Variants in TTC39B observed in about 807,000 individuals in gnomAD.
TTC39B encodes tetratricopeptide repeat protein 39B.
In TTC39B, 92 loss-of-function variants were observed where a neutral mutation model predicts 96.6. The observed-to-expected ratio is 0.95, with a 90% confidence interval of 0.80 to 1.13. The LOEUF (loss-of-function observed/expected upper bound fraction) is 1.13, where lower values mean the gene tolerates loss of function less well. Among genes scored for constraint, TTC39B ranks in the 50% most tolerant of loss-of-function variants. The pLI, the probability that TTC39B is intolerant of heterozygous loss-of-function variation, is 0.00. For missense variants in TTC39B, 955 were observed against 809.3 expected, an observed-to-expected ratio of 1.18 and a Z score of -2.18; for synonymous variants, 367 against 299.4, an observed-to-expected ratio of 1.23 and a Z score of -2.33.
At chr9:15,301,119 C>T (rs1426596495) in intron 1 of TTC39B, among the ~76,000 whole-genome samples, 1 of 152,148 alleles carries the variant, frequency 6.6e-6, no homozygotes, top group Non-Finnish European at 1.5e-5. Context: ...CACAATCCCA[C>T]TTGCCCTTTG....
chr9:15,306,936 G>T lies in TTC39B; in HGVS notation c.240+148C>A. ...CAGCGGGGACAGACCTACCAAGGCCGGGCGCCCCCACCCGGCGCCCGCCAG... is the reference window on the plus strand; with the variant it reads ...CAGCGGGGACAGACCTACCAAGGCCTGGCGCCCCCACCCGGCGCCCGCCAG... On this transcript the variant is annotated intron_variant, in intron 1 of 19. Coordinates refer to ENST00000512701, the Ensembl canonical transcript of TTC39B. The surrounding 1 kb of genome is among the most constrained non-coding windows in gnomAD (Gnocchi z 5.1). 1 of 1,129,978 alleles carries T rather than the reference G, an allele frequency of 8.8e-7. No homozygotes were observed. Among genetic ancestry groups the T allele is most frequent in the Non-Finnish European group, 1.2e-6 (1 of 810,928 alleles). 70.0% of individuals were successfully genotyped at this position (1,129,978 alleles called of 1,614,324 possible).
intron 2 of TTC39B, among the ~76,000 whole-genome samples, chr9:15,259,815 G>A (rs1822881368): frequency 6.6e-6 from 1 of 152,124 alleles, no homozygotes. Context: ...TCTATGACAT[G>A]TGTAGACACA....
At chr9:15,234,468 G>A (rs1246095043) in intron 2 of TTC39B, among the ~76,000 whole-genome samples, 8 of 149,406 alleles carry the variant, frequency 5.4e-5, no homozygotes, top group African/African-American at 9.8e-5. Context: ...GCCTCTGCCC[G>A]GCCGCCCCTG....
intron 1 of TTC39B, among the ~76,000 whole-genome samples, chr9:15,269,624 C>T (rs373460380): frequency 3.9e-5 from 6 of 152,116 alleles, no homozygotes; most frequent in African/African-American, 1.2e-4. Flanking sequence ...GAGGCCGAGG[C>T]GGGTGGATCA....
intron 2 of TTC39B, among the ~76,000 whole-genome samples, chr9:15,263,627 G>T (rs78248205): frequency 6.6e-6 from 1 of 152,120 alleles, no homozygotes; most frequent in African/African-American, 2.4e-5. Flanking sequence ...CTCTCAGAAC[G>T]CTGTAAGGCA....
intron 3 of TTC39B, among the ~76,000 whole-genome samples, chr9:15,216,084 G>A (rs912681284): frequency 2.0e-5 from 3 of 152,110 alleles, no homozygotes; most frequent in African/African-American, 7.2e-5. Flanking sequence ...TTGTTATTCA[G>A]ATCTAATCTA....
chr9:15,257,010 T>A (rs1364457996), intron 2 of TTC39B, among the ~76,000 whole-genome samples: 1 of 152,170 alleles, frequency 6.6e-6, no homozygotes, highest in Admixed American at 6.5e-5. Flanking sequence ...CACACAAACA[T>A]ACTGTTAAAA....
intron 18 of TTC39B, among the ~76,000 whole-genome samples, chr9:15,176,516 A>T (rs1387553308): frequency 2.6e-5 from 4 of 152,190 alleles, no homozygotes; most frequent in Non-Finnish European, 4.4e-5. Context: ...GTGGCCACGG[A>T]TGGAAAGGCA....
intron 1 of TTC39B, among the ~76,000 whole-genome samples, chr9:15,285,224 A>C (rs1009815681): frequency 2.6e-5 from 4 of 151,042 alleles, no homozygotes; most frequent in Admixed American, 6.6e-5. Context: ...AGCCGAGATC[A>C]CGCCACTGCA....
chr9:15,263,400 T>C (rs1823013186), intron 2 of TTC39B, among the ~76,000 whole-genome samples: 3 of 152,144 alleles, frequency 2.0e-5, no homozygotes, highest in Non-Finnish European at 2.9e-5. Context: ...AGCCAGTAAA[T>C]GGCAAACTGG....
intron 1 of TTC39B, among the ~76,000 whole-genome samples, chr9:15,272,606 C>A (rs1217771596): frequency 6.6e-6 from 1 of 152,166 alleles, no homozygotes; most frequent in Non-Finnish European, 1.5e-5. Context: ...TTTCATTGAA[C>A]CACACCTGGC....
chr9:15,198,875 TA>T (rs2131297873), intron 8 of TTC39B, among the ~76,000 whole-genome samples: 1 of 152,260 alleles, frequency 6.6e-6, no homozygotes, highest in East Asian at 1.9e-4. Flanking sequence ...AGACTAATTA[TA>T]AAAAGCATGA....
Position 15,182,415 on chromosome 9 carries a change from C to A in TTC39B, c.1615G>T (p.Glu539Ter). Reference sequence around the variant, plus strand: ...AAACCATTCCAGACATACATCATTTCCTAATGAGGAAAAATGAAAACCATT... The same window carrying A: ...AAACCATTCCAGACATACATCATTTACTAATGAGGAAAAATGAAAACCATT... Residue 539 changes from glutamate to a stop codon, truncating the protein, a stop_gained and splice_region_variant, in exon 17 of 20, where the codon GAA becomes TAA. Coordinates refer to ENST00000512701, the Ensembl canonical transcript of TTC39B. LOFTEE classifies it high-confidence loss of function. 1 of 1,599,790 alleles carries A rather than the reference C, an allele frequency of 6.3e-7. No individual in the cohort carries two copies. The highest frequency in any genetic ancestry group is 8.5e-7 in the Non-Finnish European group (1 of 1,171,482).
intron 2 of TTC39B, among the ~76,000 whole-genome samples, chr9:15,234,916 T>G (rs1245063614): frequency 6.6e-6 from 1 of 151,824 alleles, no homozygotes; most frequent in African/African-American, 2.4e-5. Context: ...GTCCTCTGCC[T>G]AGGAAAACCA....
At chr9:15,283,289 T>C (rs1208008411) in intron 1 of TTC39B, among the ~76,000 whole-genome samples, 1 of 152,264 alleles carries the variant, frequency 6.6e-6, no homozygotes, top group Non-Finnish European at 1.5e-5. Flanking sequence ...GCAAGGCTAT[T>C]CTGATTAATA....
At chr9:15,190,440 G>T in intron 11 of TTC39B, 114 bp downstream of exon 11, 5 of 850,172 alleles carry the variant, frequency 5.9e-6, no homozygotes, top group Non-Finnish European at 9.5e-6. Context: ...CAAACTCCTG[G>T]GTTCAACTGA....
rs192885520 is a variant in TTC39B at position 15,218,411 on chromosome 9, T to C, written c.372-4162A>G. On this transcript the variant is annotated intron_variant, in intron 3 of 19. Coordinates refer to ENST00000512701, the Ensembl canonical transcript of TTC39B. The stretch of plus-strand genomic sequence containing the variant: ...TCTGCAGAAGCAAAGGCAATGGTTG[T>C]TATGAGTGTGTTTTGTGAACTTTCA... 1.9e-3 allele frequency among the ~76,000 whole-genome samples: 285 copies of C among 152,124 alleles called. 1 individual carries two copies. The highest frequency in any genetic ancestry group is 6.4e-3 in the African/African-American group (266 of 41,478).
intron 2 of TTC39B, among the ~76,000 whole-genome samples, chr9:15,237,551 G>A (rs1183654494): frequency 1.3e-5 from 2 of 150,692 alleles, no homozygotes; most frequent in African/African-American, 2.4e-5. Context: ...ATAAATTCCT[G>A]AAAACATACA....
chr9:15,251,384 G>T (rs1205071485), intron 2 of TTC39B, among the ~76,000 whole-genome samples: 1 of 151,498 alleles, frequency 6.6e-6, no homozygotes, highest in Non-Finnish European at 1.5e-5. Context: ...CCAACATGGA[G>T]AAACCCCGTC....
Sources: gnomAD v4.1 joint callset for allele counts (sites outside exome capture counted in the v4.1 genomes callset) on GRCh38, gnomAD v4.1.1 for gene constraint, Gnocchi (gnomAD v3.1) non-coding constraint, MANE v1.5 for transcripts, NCBI Gene and HGNC (gene_info 2026-07-23, HGNC 2026-07-21) for gene names.